The following ARHGEF10L variants were observed in gnomAD, a reference collection of about 807,000 sequenced individuals.
The protein encoded by ARHGEF10L is Rho guanine nucleotide exchange factor 10 like, also known as rho guanine nucleotide exchange factor 10-like protein.
Under a neutral mutation model 141.2 loss-of-function variants are expected in ARHGEF10L, and 69 were observed. That is an observed-to-expected ratio of 0.49 (90% CI 0.40 to 0.60). ARHGEF10L has a LOEUF of 0.60. Among genes scored for constraint, ARHGEF10L ranks in the 20% least tolerant of loss-of-function variants. The pLI, the probability that ARHGEF10L is intolerant of heterozygous loss-of-function variation, is 0.00. For missense variants in ARHGEF10L, 1,482 were observed against 1,734.3 expected, an observed-to-expected ratio of 0.85 and a Z score of 2.58; for synonymous variants, 711 against 718.5, an observed-to-expected ratio of 0.99 and a Z score of 0.17.
chr1:17,697,642 A>G lies in ARHGEF10L; in HGVS notation c.*262A>G, dbSNP rs1205892665. The stretch of plus-strand genomic sequence containing the variant: ...AAAGCAAAAAACACAAAACCTCACA[A>G]CTGCCTGGCAAGCCCAGTATCACTT... On this transcript the variant is annotated 3_prime_UTR_variant, in exon 29 of 29. Coordinates refer to ENST00000361221, the MANE Select transcript of ARHGEF10L (RefSeq NM_018125.4). The surrounding 1 kb of genome is among the most constrained non-coding windows in gnomAD (Gnocchi z 4.8). The G allele has an allele frequency of 4.9e-6, 3 of 612,818 alleles. No individual in the cohort carries two copies. The highest frequency in any genetic ancestry group is 1.8e-5 in the African/African-American group (1 of 55,292). The allele number at this position is 612,818 out of a possible 1,614,324, so 38.0% of individuals were successfully genotyped here.
Position 17,631,828 on chromosome 1 carries a change from G to A in ARHGEF10L, c.1585-493G>A, listed in dbSNP as rs148811835. On this transcript the variant is annotated intron_variant, in intron 15 of 28. Transcript: ENST00000361221. ...CCGCAAGAGTCATGTAGCCAGACCC[G>A]GTCACATGTTCATTACCTTGTGTGA... Among the ~76,000 whole-genome samples, 1,197 of 152,326 alleles carry A rather than the reference G, an allele frequency of 7.9e-3. 15 individuals are homozygous for A. Among genetic ancestry groups the A allele is most frequent in the Non-Finnish European group, 0.01 (691 of 68,026 alleles).
intron 22 of ARHGEF10L, 96 bp downstream of exon 22, chr1:17,648,771 G>A: frequency 6.7e-7 from 1 of 1,494,674 alleles, no homozygotes; most frequent in Non-Finnish European, 9.0e-7. Context: ...CCCACAGCAG[G>A]GAAGGCTCAG....
At chr1:17,622,934 G>A in intron 11 of ARHGEF10L, 62 bp from the exon 12 acceptor site, 1 of 1,535,680 alleles carries the variant, frequency 6.5e-7, no homozygotes, top group Non-Finnish European at 8.7e-7. Flanking sequence ...AGTTCTGCAT[G>A]AGGGCAGGTA....
chr1:17,588,363 G>A, intron 3 of ARHGEF10L, 83 bp from the exon 4 acceptor site: 1 of 1,517,360 alleles, frequency 6.6e-7, no homozygotes, highest in Non-Finnish European at 9.1e-7. Context: ...CCCCTGGGGA[G>A]GCTGGGAAAG....
At chr1:17,662,489 C>T (rs899342946) in intron 25 of ARHGEF10L, among the ~76,000 whole-genome samples, 4 of 152,182 alleles carry the variant, frequency 2.6e-5, no homozygotes, top group Non-Finnish European at 4.4e-5. Context: ...CCTTGGTGCT[C>T]ACGCTGGCTG....
Position 17,697,094 on chromosome 1 carries a change from G to GC in ARHGEF10L, c.3557dup (p.Leu1187AlafsTer11). 6.2e-7 allele frequency: 1 copy of GC among 1,607,882 alleles called. No homozygotes were observed. The highest frequency in any genetic ancestry group is 8.5e-7 in the Non-Finnish European group (1 of 1,176,830). On this transcript the variant is annotated frameshift_variant, in exon 29 of 29. Coordinates refer to ENST00000361221, the MANE Select transcript of ARHGEF10L (RefSeq NM_018125.4). LOFTEE classifies it high-confidence loss of function. The surrounding 1 kb of genome is among the most constrained non-coding windows in gnomAD (Gnocchi z 4.8). ...CTGCGCTCCACCGCACACCTCCCGG[G>GC]CCCGCTGCTCTCCATGCGGGAGCCG... is the stretch of plus-strand genomic sequence containing the variant.
intron 26 of ARHGEF10L, among the ~76,000 whole-genome samples, chr1:17,667,346 T>C (rs1326807798): frequency 6.6e-6 from 1 of 152,170 alleles, no homozygotes; most frequent in Non-Finnish European, 1.5e-5. Flanking sequence ...AGCCTGCCCT[T>C]GGAGGGCCTC....
chr1:17,653,592 G>A (rs1374156008), intron 22 of ARHGEF10L, among the ~76,000 whole-genome samples: 2 of 152,218 alleles, frequency 1.3e-5, no homozygotes, highest in Non-Finnish European at 1.5e-5. Flanking sequence ...CCCAGAGGCC[G>A]GGCTTAGCGA....
rs375266292 is a variant in ARHGEF10L at position 17,697,111 on chromosome 1, C to T, written c.3571C>T (p.Arg1191Trp). The T allele has an allele frequency of 6.1e-4, 980 of 1,609,660 alleles. 1 individual carries two copies. Among genetic ancestry groups the T allele is most frequent in the South Asian group, 1.3e-3 (118 of 90,784 alleles). Reference sequence around the variant, plus strand: ...CCTCCCGGGCCCGCTGCTCTCCATGCGGGAGCCGGCGCCTGCTGATGGCGC... The same window carrying T: ...CCTCCCGGGCCCGCTGCTCTCCATGTGGGAGCCGGCGCCTGCTGATGGCGC... ...AHLPGPLLSMREPAPADGAAL... is the reference protein window; with the variant it reads ...AHLPGPLLSMWEPAPADGAAL... Residue 1191 changes from arginine (R) to tryptophan (W), a missense_variant, in exon 29 of 29, where the codon CGG (arginine) becomes TGG (tryptophan). By Grantham distance (101) the Arg-to-Trp change is moderately radical. Transcript: ENST00000361221. The surrounding 1 kb of genome is among the most constrained non-coding windows in gnomAD (Gnocchi z 4.8).
intron 26 of ARHGEF10L, among the ~76,000 whole-genome samples, chr1:17,684,544 A>G (rs531744873): frequency 1.6e-4 from 24 of 152,250 alleles, no homozygotes; most frequent in African/African-American, 5.1e-4. Context: ...AAAGAGGAAG[A>G]GACCCCCGAT....
chr1:17,602,712 G>A (rs1319964499), intron 5 of ARHGEF10L, among the ~76,000 whole-genome samples: 1 of 152,206 alleles, frequency 6.6e-6, no homozygotes, highest in Non-Finnish European at 1.5e-5. Context: ...GGGGTGAGGT[G>A]TGGCTGCGGG....
At chr1:17,690,112 C>T (rs2064987109) in intron 27 of ARHGEF10L, among the ~76,000 whole-genome samples, 2 of 152,324 alleles carry the variant, frequency 1.3e-5, no homozygotes, top group South Asian at 4.1e-4. Context: ...CAGGAGCAGC[C>T]CCACGGACTC....
chr1:17,584,318 T>G (rs1471375805), intron 2 of ARHGEF10L, among the ~76,000 whole-genome samples: 1 of 152,170 alleles, frequency 6.6e-6, no homozygotes, highest in African/African-American at 2.4e-5. Context: ...GTGCTGGGAT[T>G]ACAGGCGTCA....
At position 17,613,048 on chromosome 1, in the gene ARHGEF10L, G is replaced by C. The variant is rs1022828638; in HGVS notation, c.610-10G>C. The C allele has an allele frequency of 6.2e-6, 10 of 1,605,074 alleles. No homozygotes were observed. In the Admixed American group the frequency reaches 1.3e-4, roughly 21 times the overall value. On this transcript the variant is annotated splice_polypyrimidine_tract_variant and intron_variant, in intron 7 of 28. Transcript: ENST00000361221. ...CTGCTTTCCTTCTGCCTGGCCGCTTGGGGCTCCAGCTTTCTCCAGACCTGA... is the reference window on the plus strand; with the variant it reads ...CTGCTTTCCTTCTGCCTGGCCGCTTCGGGCTCCAGCTTTCTCCAGACCTGA...
intron 1 of ARHGEF10L, among the ~76,000 whole-genome samples, chr1:17,564,841 T>C (rs772622751): frequency 5.9e-5 from 9 of 152,144 alleles, no homozygotes; most frequent in Admixed American, 1.3e-4. Context: ...GGCACTGACA[T>C]TGGGCAACCC....
intron 26 of ARHGEF10L, among the ~76,000 whole-genome samples, chr1:17,668,075 T>G (rs928163508): frequency 6.6e-6 from 1 of 152,176 alleles, no homozygotes; most frequent in African/African-American, 2.4e-5. Context: ...AGTGGGGAGT[T>G]AGCAGGAGGA....
At chr1:17,601,305 C>T (rs2080661860) in intron 4 of ARHGEF10L, among the ~76,000 whole-genome samples, 3 of 152,146 alleles carry the variant, frequency 2.0e-5, no homozygotes, top group African/African-American at 4.8e-5. Context: ...TGGTTCGGGA[C>T]GTGTCTGCTG....
rs368228891 is a variant in ARHGEF10L at position 17,695,246 on chromosome 1, C to T, written c.3273C>T (p.Pro1091=). 3.7e-5 allele frequency: 59 copies of T among 1,600,854 alleles called. No homozygotes were observed. The highest frequency in any genetic ancestry group is 6.8e-5 in the Admixed American group (4 of 58,414). Residue 1091 remains proline, a synonymous_variant, in exon 28 of 29, where the codon CCC becomes CCT. Transcript: ENST00000361221. The part of the protein sequence containing the change: ...GTDQGVIVLL[P]VPRLEGIPKI... ...ACCAGGGTGTCATCGTCCTGCTGCC[C>T]GTGCCTCGGCTGGAAGGCATCCCCA...
chr1:17,590,377 C>T (rs192678898), intron 4 of ARHGEF10L, among the ~76,000 whole-genome samples: 8 of 152,122 alleles, frequency 5.3e-5, no homozygotes, highest in South Asian at 4.2e-4. Flanking sequence ...GAGGCTTGTG[C>T]GGCAGTGCCT....
Sources: gnomAD v4.1 joint callset for allele counts (sites outside exome capture counted in the v4.1 genomes callset) on GRCh38, gnomAD v4.1.1 for gene constraint, Gnocchi (gnomAD v3.1) non-coding constraint, MANE v1.5 for transcripts, NCBI Gene and HGNC (gene_info 2026-07-23, HGNC 2026-07-21) for gene names.